Variants in LSAMP observed in about 807,000 individuals in gnomAD.
LSAMP encodes the protein limbic system associated membrane protein, also known as limbic system-associated membrane protein.
A neutral mutation model predicts 38.6 loss-of-function variants in LSAMP; 7 were observed. That is an observed-to-expected ratio of 0.18 (90% CI 0.10 to 0.34). The LOEUF (loss-of-function observed/expected upper bound fraction) is 0.34, where lower values mean the gene tolerates loss of function less well. LSAMP is among the 10% of genes least tolerant of loss of function. The probability of loss-of-function intolerance (pLI) is 1.00; values close to 1 mark genes in which losing one functional copy is unlikely to be tolerated. For synonymous variants in LSAMP, 154 were observed against 166.8 expected (o/e 0.92, Z 0.59); for missense variants, 313 against 420.0 (o/e 0.75, Z 2.23).
At chr3:116,229,999 TTACTG>T (rs1430416185) in intron 1 of LSAMP, among the ~76,000 whole-genome samples, 11 of 152,186 alleles carry the variant, frequency 7.2e-5, no homozygotes, top group African/African-American at 2.2e-4. Context: ...TGAAAAATGA[TTACTG>T]TGCTGTAAGC....
chr3:116,259,651 T>C (rs1325113706), intron 1 of LSAMP, among the ~76,000 whole-genome samples: 1 of 152,198 alleles, frequency 6.6e-6, no homozygotes, highest in Admixed American at 6.5e-5. Context: ...AAATGTGTGA[T>C]GTGTGTAGCT....
intron 1 of LSAMP, among the ~76,000 whole-genome samples, chr3:116,320,976 C>A (rs1456444813): frequency 6.6e-6 from 1 of 152,178 alleles, no homozygotes; most frequent in East Asian, 1.9e-4. Context: ...ATGTCCCTTA[C>A]CCCTTTCAGT....
At chr3:116,250,513 C>T (rs145074932) in intron 1 of LSAMP, among the ~76,000 whole-genome samples, 220 of 152,052 alleles carry the variant, frequency 1.4e-3, no homozygotes, top group African/African-American at 5.1e-3. Context: ...AATACTGGAA[C>T]GGCTATTTTC....
intron 3 of LSAMP, among the ~76,000 whole-genome samples, chr3:115,877,647 C>A (rs566648940): frequency 6.6e-6 from 1 of 152,084 alleles, no homozygotes. Context: ...AGTTTCTGGA[C>A]TTTTAACACA....
At chr3:116,358,554 C>T (rs1445777104) in intron 1 of LSAMP, among the ~76,000 whole-genome samples, 2 of 152,058 alleles carry the variant, frequency 1.3e-5, no homozygotes, top group African/African-American at 4.8e-5. Context: ...CATCTGATAG[C>T]AATTTTTTAA....
In LSAMP at chr3:115,802,741, A is replaced by C. The variant is rs2107431598; in HGVS notation, c.*7576T>G. ...TTTATATATATATTTATATGTATAT[A>C]ACACTGTTAATAAGGAGAATTCTAA... On this transcript the variant is annotated 3_prime_UTR_variant, in exon 7 of 7. Coordinates refer to ENST00000490035, the MANE Select transcript of LSAMP (RefSeq NM_002338.5). 1 of 152,118 alleles carries C rather than the reference A, an allele frequency of 6.6e-6. No individual in the cohort carries two copies. 9.4% of individuals were successfully genotyped at this position (152,118 alleles called of 1,614,324 possible). A position where few individuals can be genotyped will look rare whatever the true frequency, so the allele number is the denominator to read the frequency against.
chr3:116,025,623 G>A (rs985847239), intron 2 of LSAMP, among the ~76,000 whole-genome samples: 1 of 151,774 alleles, frequency 6.6e-6, no homozygotes, highest in African/African-American at 2.4e-5. Flanking sequence ...TTTCTGGTAT[G>A]AGAAATAATC....
At chr3:116,371,388 G>A (rs528343835) in intron 1 of LSAMP, among the ~76,000 whole-genome samples, 1 of 151,940 alleles carries the variant, frequency 6.6e-6, no homozygotes, top group Non-Finnish European at 1.5e-5. Flanking sequence ...AGGATGGTTT[G>A]AAACAAAAAT....
chr3:116,324,009 GA>G (rs2047739440), intron 1 of LSAMP, among the ~76,000 whole-genome samples: 1 of 152,230 alleles, frequency 6.6e-6, no homozygotes, highest in South Asian at 2.1e-4. Flanking sequence ...TCAACCAAAA[GA>G]AACTATTTTT....
At chr3:115,931,463 G>C (rs536233539) in intron 3 of LSAMP, among the ~76,000 whole-genome samples, 2 of 152,230 alleles carry the variant, frequency 1.3e-5, no homozygotes, top group East Asian at 3.9e-4. Context: ...AAGTGTCAGG[G>C]GGTTGGATCA....
chr3:116,228,331 A>C (rs2046364739), intron 1 of LSAMP, among the ~76,000 whole-genome samples: 1 of 152,068 alleles, frequency 6.6e-6, no homozygotes, highest in African/African-American at 2.4e-5. Context: ...AGAATGTACA[A>C]TGTTATCATT....
chr3:116,221,586 A>G (rs1476172991), intron 1 of LSAMP, among the ~76,000 whole-genome samples: 2 of 152,226 alleles, frequency 1.3e-5, no homozygotes, highest in Non-Finnish European at 2.9e-5. Flanking sequence ...CCTTCTAGAC[A>G]GAAAAATCTA....
At chr3:116,366,600 T>A (rs7648197) in intron 1 of LSAMP, among the ~76,000 whole-genome samples, 128,172 of 152,104 alleles carry the variant, frequency 0.84, 54,270 homozygotes, top group East Asian at 0.95. Context: ...AGGATTAAAG[T>A]AGTCCTGGCA....
rs80064718 is a variant in LSAMP, at chr3:115,825,419, A to G, written c.920-15005T>C. Among the ~76,000 whole-genome samples the G allele has an allele frequency of 4.7e-3, 708 of 152,176 alleles. 7 individuals carry two copies. Among genetic ancestry groups the G allele is most frequent in the African/African-American group, 0.015 (629 of 41,508 alleles). On this transcript the variant is annotated intron_variant, in intron 6 of 6. Transcript: ENST00000490035. ...AACATTATAGCCAGGTCCTTGTGCA[A>G]CTCTCTGAAAATACTGATGGCTCCT...
chr3:116,394,266 C>T (rs1353128638), intron 1 of LSAMP, among the ~76,000 whole-genome samples: 2 of 152,114 alleles, frequency 1.3e-5, no homozygotes, highest in East Asian at 1.9e-4. Flanking sequence ...TAAGAAGACT[C>T]AAATTTCTTA....
rs368314567 is a variant in LSAMP at position 116,185,030 on chromosome 3, C to CTTTTTTTTTT, written c.156-98484_156-98475dup. Among the ~76,000 whole-genome samples, 247 of 117,510 alleles carry CTTTTTTTTTT rather than the reference C, an allele frequency of 2.1e-3. 2 individuals are homozygous for CTTTTTTTTTT. The highest frequency in any genetic ancestry group is 2.6e-3 in the Non-Finnish European group (144 of 56,466). 77.1% of individuals were successfully genotyped at this position (117,510 alleles called of 152,430 possible). On this transcript the variant is annotated intron_variant, in intron 1 of 6. Transcript: ENST00000490035. ...AGATTTTTTCTTTCTTTCTTTCTTT[C>CTTTTTTTTTT]TTTTTTTTTTTTTTTCAGTTCTCAC...
intron 3 of LSAMP, among the ~76,000 whole-genome samples, chr3:115,925,850 T>C (rs1309393061): frequency 6.6e-6 from 1 of 152,130 alleles, no homozygotes; most frequent in Non-Finnish European, 1.5e-5. Flanking sequence ...AACAGGAATA[T>C]GATGGACTGA....
chr3:116,147,924 T>C (rs2107523496), intron 1 of LSAMP, among the ~76,000 whole-genome samples: 1 of 152,088 alleles, frequency 6.6e-6, no homozygotes. Flanking sequence ...TGGGTCTAAC[T>C]CTTCCTTATT....
At chr3:116,016,995 T>C (rs1323616432) in intron 3 of LSAMP, among the ~76,000 whole-genome samples, 1 of 152,144 alleles carries the variant, frequency 6.6e-6, no homozygotes, top group African/African-American at 2.4e-5. Flanking sequence ...CCTCTGAGTT[T>C]ATGTAAATAC....
Sources: allele counts gnomAD v4.1 joint callset (sites outside exome capture counted in the v4.1 genomes callset), GRCh38; gene constraint gnomAD v4.1.1; transcripts MANE v1.5; gene names NCBI Gene and HGNC (gene_info 2026-07-23, HGNC 2026-07-21).